The following PLVAP variants were observed in gnomAD, a reference collection of about 807,000 sequenced individuals.
PLVAP encodes the protein plasmalemma vesicle associated protein.
A neutral mutation model predicts 43.1 loss-of-function variants in PLVAP; 34 were observed. The observed-to-expected ratio is 0.79, with a 90% CI of 0.60 to 1.05. The LOEUF (loss-of-function observed/expected upper bound fraction) is 1.05, where lower values mean the gene tolerates loss of function less well. Among genes scored for constraint, PLVAP ranks in the 50% least tolerant of loss-of-function variants. The probability of loss-of-function intolerance (pLI) is 0.00; values close to 1 mark genes in which losing one functional copy is unlikely to be tolerated. For missense variants in PLVAP, 574 were observed against 593.4 expected (o/e 0.97, Z 0.34); for synonymous variants, 241 against 237.3 (o/e 1.02, Z -0.14).
intron 1 of PLVAP, among the ~76,000 whole-genome samples, chr19:17,374,194 C>T (rs185776137): frequency 1.5e-4 from 23 of 151,932 alleles, no homozygotes; most frequent in African/African-American, 1.2e-4. Flanking sequence ...CAGCCGGGAA[C>T]GGTGGCTCAC....
At chr19:17,374,563 T>G (rs2074587141) in intron 1 of PLVAP, among the ~76,000 whole-genome samples, 1 of 152,192 alleles carries the variant, frequency 6.6e-6, no homozygotes, top group South Asian at 2.1e-4. Context: ...AAATATGGAC[T>G]GTTTATACAT....
At chr19:17,357,243 G>A (rs1297864267) in intron 5 of PLVAP, among the ~76,000 whole-genome samples, 1 of 151,954 alleles carries the variant, frequency 6.6e-6, no homozygotes, top group African/African-American at 2.4e-5. Flanking sequence ...GCAGTGAGCT[G>A]TGATTGCGCC....
Position 17,365,669 on chromosome 19 carries a change from C to G in PLVAP, c.796G>C (p.Ala266Pro), listed in dbSNP as rs61739312. 7.9e-5 allele frequency: 127 copies of G among 1,613,612 alleles called. No individual in the cohort carries two copies. The highest frequency in any genetic ancestry group is 1.5e-5 in the Non-Finnish European group (18 of 1,180,004). The change falls in exon 3 of 6, where the codon GCC (alanine) becomes CCC (proline). Residue 266 changes from alanine (A) to proline (P), a missense_variant. Physicochemically the swap from Ala to Pro is conservative, Grantham distance 27. Coordinates refer to ENST00000252590, the MANE Select transcript of PLVAP (RefSeq NM_031310.3). ...TGGTCGCAGGCTCTGCGGATGGAGG[C>G]CAATTCCGAGCCCAGGGGATGGTAG... ...NLYHPLGSEL[A>P]SIRRACDHMP...
intron 1 of PLVAP, among the ~76,000 whole-genome samples, chr19:17,372,057 G>A (rs1375449636): frequency 2.0e-5 from 3 of 146,358 alleles, no homozygotes; most frequent in African/African-American, 2.5e-5. Context: ...GACCAGCCTC[G>A]GCAATGTAGT....
At chr19:17,357,507 A>G (rs1412978809) in intron 5 of PLVAP, among the ~76,000 whole-genome samples, 1 of 151,970 alleles carries the variant, frequency 6.6e-6, no homozygotes, top group Non-Finnish European at 1.5e-5. Flanking sequence ...CTACAAAAAA[A>G]TAACAATTTA....
At chr19:17,360,682 C>T in intron 4 of PLVAP, 73 bp from the exon 5 acceptor site, 1 of 1,579,096 alleles carries the variant, frequency 6.3e-7, no homozygotes, top group East Asian at 2.2e-5. Flanking sequence ...GATGGGCTGG[C>T]AGCCCAGGGG....
Position 17,352,327 on chromosome 19 carries a change from C to G in PLVAP, c.*35G>C, listed in dbSNP as rs199753119. 824 of 1,612,926 alleles carry G rather than the reference C, an allele frequency of 5.1e-4. 3 individuals are homozygous for G. The highest frequency in any genetic ancestry group is 1.1e-3 in the South Asian group (103 of 91,066). On this transcript the variant is annotated 3_prime_UTR_variant, in exon 6 of 6. Coordinates refer to ENST00000252590, the MANE Select transcript of PLVAP (RefSeq NM_031310.3). ...CTGCATCCTCCGCAAACCGCCGAGT[C>G]GGGCCATCCCTTGGTCCTCAGGCCT...
chr19:17,360,121 G>A (rs917544508), intron 5 of PLVAP, among the ~76,000 whole-genome samples: 6 of 152,186 alleles, frequency 3.9e-5, no homozygotes, highest in African/African-American at 1.2e-4. Flanking sequence ...GCTCCCTGGG[G>A]TACAGGGCAT....
At chr19:17,375,429 C>G (rs1016095343) in intron 1 of PLVAP, among the ~76,000 whole-genome samples, 1 of 152,208 alleles carries the variant, frequency 6.6e-6, no homozygotes, top group African/African-American at 2.4e-5. Flanking sequence ...AAAATTATAT[C>G]TCAAATATTG....
At chr19:17,364,165 A>G (rs1404293227) in intron 3 of PLVAP, among the ~76,000 whole-genome samples, 1 of 151,908 alleles carries the variant, frequency 6.6e-6, no homozygotes, top group Non-Finnish European at 1.5e-5. Context: ...GACTCACTGC[A>G]AACTCTGTCT....
Position 17,355,626 on chromosome 19 carries a change from C to G in PLVAP, c.1323-3258G>C, listed in dbSNP as rs560272170. On this transcript the variant is annotated intron_variant, in intron 5 of 5. Transcript: ENST00000252590. ...TCACTGCAACCTCCACCTCCCAGGT[C>G]CTGGTTCAAGCAATTCTCCTGCCTT... Among the ~76,000 whole-genome samples the G allele has an allele frequency of 1.4e-4, 21 of 151,736 alleles. No homozygotes were observed. The South Asian group carries it at 4.4e-3, about 32-fold the overall frequency.
At chr19:17,358,235 T>C (rs1038820008) in intron 5 of PLVAP, among the ~76,000 whole-genome samples, 6 of 133,406 alleles carry the variant, frequency 4.5e-5, no homozygotes, top group African/African-American at 1.8e-4. Flanking sequence ...GGCGAGGGAG[T>C]GAGCTCCCTG....
chr19:17,369,621 T>G, intron 1 of PLVAP, among the ~76,000 whole-genome samples: 3 of 133,464 alleles, frequency 2.2e-5, no homozygotes, highest in South Asian at 2.3e-4. Context: ...GGGAACAGAG[T>G]GAGACTCTAT....
intron 5 of PLVAP, among the ~76,000 whole-genome samples, chr19:17,357,930 A>T (rs939367320): frequency 6.6e-6 from 1 of 152,178 alleles, no homozygotes; most frequent in Non-Finnish European, 1.5e-5. Context: ...TTCTCAGCCG[A>T]GGCCCTGACA....
chr19:17,376,762 C>T (rs2074596732), intron 1 of PLVAP, among the ~76,000 whole-genome samples, 158 bp downstream of exon 1: 1 of 152,168 alleles, frequency 6.6e-6, no homozygotes, highest in Admixed American at 6.5e-5. Context: ...TGCACCACTG[C>T]ACTCCAGCCT....
At position 17,377,067 on chromosome 19, in the gene PLVAP, G is replaced by A. The variant is rs1330804816; in HGVS notation, c.222C>T (p.Leu74=). 8.7e-6 allele frequency: 14 copies of A among 1,614,158 alleles called. No individual in the cohort carries two copies. Among genetic ancestry groups the A allele is most frequent in the Non-Finnish European group, 1.1e-5 (13 of 1,180,046 alleles). ...ERRAEGLYSQ[L]LGLTASQSNL... is the part of the protein sequence containing the mutation. ...TGGACTGGGAGGCCGTGAGCCCTAG[G>A]AGCTGACTGTATAGGCCCTCGGCTC... Residue 74 remains leucine (L), a synonymous_variant, in exon 1 of 6, where the codon CTC becomes CTT. Coordinates refer to ENST00000252590, the MANE Select transcript of PLVAP (RefSeq NM_031310.3).
At chr19:17,374,105 T>C (rs1428319358) in intron 1 of PLVAP, among the ~76,000 whole-genome samples, 3 of 151,984 alleles carry the variant, frequency 2.0e-5, no homozygotes, top group Non-Finnish European at 4.4e-5. Flanking sequence ...GTGGTTGCAG[T>C]GAGCCGAGAC....
intron 5 of PLVAP, among the ~76,000 whole-genome samples, chr19:17,354,524 G>A (rs1404402132): frequency 2.6e-5 from 4 of 151,294 alleles, no homozygotes; most frequent in African/African-American, 4.9e-5. Context: ...TTGAACCTGG[G>A]AGGCAGAGGT....
At position 17,365,611 on chromosome 19, in the gene PLVAP, T is replaced by C. The variant is rs759212354; in HGVS notation, c.854A>G (p.Glu285Gly). Residue 285 changes from glutamate (E) to glycine (G), a missense_variant, in exon 3 of 6, where the codon GAG becomes GGG. Physicochemically the swap from Glu to Gly is moderately conservative, Grantham distance 98 (BLOSUM62 -2). Transcript: ENST00000252590. ...ATCCGCCCGGAGGCTCCGGGCCAGCTCCTCCACCTTGGAGCTCATGAGGCT... is the reference window on the plus strand; with the variant it reads ...ATCCGCCCGGAGGCTCCGGGCCAGCCCCTCCACCTTGGAGCTCATGAGGCT... ...MPSLMSSKVE[E>G]LARSLRADIE... 4.0e-5 allele frequency: 64 copies of C among 1,613,198 alleles called. No homozygotes were observed. The highest frequency in any genetic ancestry group is 5.4e-5 in the Non-Finnish European group (64 of 1,180,026).
Sources: gnomAD v4.1 joint callset for allele counts (sites outside exome capture counted in the v4.1 genomes callset) on GRCh38, gnomAD v4.1.1 for gene constraint, MANE v1.5 for transcripts, NCBI Gene and HGNC (gene_info 2026-07-23, HGNC 2026-07-21) for gene names.